Variants in SMOC1 observed in about 807,000 individuals in gnomAD.
The protein encoded by SMOC1 is SPARC-related modular calcium-binding protein 1.
In SMOC1, 22 loss-of-function variants were observed where a neutral mutation model predicts 56.3. That is an observed-to-expected ratio of 0.39 (90% CI 0.28 to 0.56). The LOEUF is 0.56. SMOC1 is among the 20% of genes least tolerant of loss of function. The probability of loss-of-function intolerance (pLI) is 0.61; values close to 1 mark genes in which losing one functional copy is unlikely to be tolerated. For missense variants in SMOC1, 509 were observed against 565.4 expected (o/e 0.90, Z 1.01); for synonymous variants, 193 against 215.0 (o/e 0.90, Z 0.89).
intron 3 of SMOC1, among the ~76,000 whole-genome samples, chr14:69,960,387 C>G (rs1370015082): frequency 6.6e-6 from 1 of 152,094 alleles, no homozygotes; most frequent in Non-Finnish European, 1.5e-5. Context: ...CCTTTGGATG[C>G]TGCAGAAAAA....
chr14:70,021,262 G>A (rs1257727155), intron 10 of SMOC1, among the ~76,000 whole-genome samples: 1 of 152,184 alleles, frequency 6.6e-6, no homozygotes, highest in Non-Finnish European at 1.5e-5. Flanking sequence ...GCAGGGACAG[G>A]CAGGTCACTC....
chr14:69,931,026 T>C (rs572686090), intron 1 of SMOC1, among the ~76,000 whole-genome samples: 3 of 152,346 alleles, frequency 2.0e-5, no homozygotes, highest in Admixed American at 2.0e-4. Context: ...CCCTTCACTC[T>C]GTTCTGCCCT....
chr14:69,963,046 A>T (rs535614732), intron 3 of SMOC1, among the ~76,000 whole-genome samples: 1 of 152,250 alleles, frequency 6.6e-6, no homozygotes, highest in African/African-American at 2.4e-5. Context: ...TTATTTCTGG[A>T]ATCTCAATTC....
At chr14:70,004,024 C>A (rs1885064451) in intron 7 of SMOC1, among the ~76,000 whole-genome samples, 1 of 152,096 alleles carries the variant, frequency 6.6e-6, no homozygotes, top group Non-Finnish European at 1.5e-5. Context: ...TTTAGGTCCT[C>A]CTCTCTCAGG....
chr14:69,926,697 C>T (rs910615141), intron 1 of SMOC1, among the ~76,000 whole-genome samples: 2 of 152,230 alleles, frequency 1.3e-5, no homozygotes, highest in Non-Finnish European at 1.5e-5. Context: ...CTGCTCCTCA[C>T]TGGGGCCCCA....
chr14:70,019,341 G>A (rs998907216), intron 10 of SMOC1, among the ~76,000 whole-genome samples: 1 of 152,140 alleles, frequency 6.6e-6, no homozygotes, highest in African/African-American at 2.4e-5. Flanking sequence ...GTATCATTTG[G>A]GTGTGTCTTT....
At chr14:69,912,947 T>C (rs1303945584) in intron 1 of SMOC1, among the ~76,000 whole-genome samples, 1 of 152,200 alleles carries the variant, frequency 6.6e-6, no homozygotes, top group African/African-American at 2.4e-5. Flanking sequence ...TTAAACACAA[T>C]TTGAATAAGC....
chr14:69,942,814 ACT>A (rs1882613765), intron 1 of SMOC1, among the ~76,000 whole-genome samples: 1 of 151,896 alleles, frequency 6.6e-6, no homozygotes, highest in African/African-American at 2.4e-5. Context: ...CTGCAGACAG[ACT>A]CTGTGTGGAT....
At chr14:69,941,584 G>C (rs941388012) in intron 1 of SMOC1, among the ~76,000 whole-genome samples, 1 of 152,146 alleles carries the variant, frequency 6.6e-6, no homozygotes, top group African/African-American at 2.4e-5. Flanking sequence ...CCTTGCCAAA[G>C]ATTTCCAAAG....
chr14:69,888,483 C>T (rs1191389357), intron 1 of SMOC1, among the ~76,000 whole-genome samples: 6 of 152,184 alleles, frequency 3.9e-5, no homozygotes, highest in Non-Finnish European at 8.8e-5. Context: ...GGAAAGGTAG[C>T]TCTCATCTCA....
chr14:69,881,468 C>G (rs995144060), intron 1 of SMOC1, among the ~76,000 whole-genome samples: 1 of 152,042 alleles, frequency 6.6e-6, no homozygotes, highest in African/African-American at 2.4e-5. Flanking sequence ...AGGAAGCAAC[C>G]TTTAGGGGAA....
intron 5 of SMOC1, among the ~76,000 whole-genome samples, chr14:69,982,846 C>T (rs1884228150): frequency 6.6e-6 from 1 of 152,208 alleles, no homozygotes. Flanking sequence ...GGCTTCTGCT[C>T]ACATGGCTTT....
intron 1 of SMOC1, among the ~76,000 whole-genome samples, chr14:69,906,345 G>A (rs1443339065): frequency 6.6e-6 from 1 of 152,204 alleles, no homozygotes; most frequent in Non-Finnish European, 1.5e-5. Context: ...AGAATCAGAG[G>A]CTGCCATGAT....
rs1886149782 is a variant in SMOC1, at chr14:70,031,465, T to C, written c.*1207T>C. 1 of 152,204 alleles carries C rather than the reference T, an allele frequency of 6.6e-6. No homozygotes were observed. The highest frequency in any genetic ancestry group is 1.5e-5 in the Non-Finnish European group (1 of 68,038). The allele number at this position is 152,204 out of a possible 1,614,324, so 9.4% of individuals were successfully genotyped here. Reference sequence around the variant, plus strand: ...CCTTGTTGGTAACACTAAAGTTGTTTTGTTGGTTTTTTAAAAACCCAATAC... The same window carrying C: ...CCTTGTTGGTAACACTAAAGTTGTTCTGTTGGTTTTTTAAAAACCCAATAC... On this transcript the variant is annotated 3_prime_UTR_variant, in exon 12 of 12. Coordinates refer to ENST00000361956, the MANE Select transcript of SMOC1 (RefSeq NM_001034852.3).
At chr14:69,992,033 C>T (rs1566702293) in intron 5 of SMOC1, among the ~76,000 whole-genome samples, 1 of 152,132 alleles carries the variant, frequency 6.6e-6, no homozygotes, top group African/African-American at 2.4e-5. Flanking sequence ...GATTGCCAAC[C>T]TTATGCTAAC....
chr14:70,013,398 G>A lies in SMOC1; in HGVS notation c.953G>A (p.Gly318Glu). Reference sequence around the variant, plus strand: ...TTTTATCTTTTAGGCTGTCCAGAAGGGAAGAAAATGGAGTTTATCACCAGC... The same window carrying A: ...TTTTATCTTTTAGGCTGTCCAGAAGAGAAGAAAATGGAGTTTATCACCAGC... Reference protein sequence around the residue: ...KDRELPGCPEGKKMEFITSLL... With the variant: ...KDRELPGCPEEKKMEFITSLL... Residue 318 changes from glycine to glutamate, a missense_variant, in exon 10 of 12, where the codon GGG (glycine) becomes GAG (glutamate). Physicochemically the swap from Gly to Glu is moderately conservative, Grantham distance 98. Transcript: ENST00000361956. The A allele has an allele frequency of 6.2e-7, 1 of 1,614,088 alleles. No homozygotes were observed. Among genetic ancestry groups the A allele is most frequent in the Non-Finnish European group, 8.5e-7 (1 of 1,179,938 alleles).
chr14:70,013,620 G>C, intron 10 of SMOC1, 129 bp downstream of exon 10: 1 of 804,562 alleles, frequency 1.2e-6, no homozygotes, highest in Middle Eastern at 3.5e-4. Flanking sequence ...TCTTTTTCCT[G>C]AAACCATGTA....
At chr14:69,950,251 G>T (rs1284105406) in intron 1 of SMOC1, among the ~76,000 whole-genome samples, 2 of 152,198 alleles carry the variant, frequency 1.3e-5, no homozygotes, top group African/African-American at 4.8e-5. Context: ...ATGAGGTCCA[G>T]TCCCAAGGAG....
At chr14:70,028,009 C>T (rs1048325687) in intron 11 of SMOC1, among the ~76,000 whole-genome samples, 7 of 151,914 alleles carry the variant, frequency 4.6e-5, no homozygotes, top group Admixed American at 1.3e-4. Context: ...TGGTGGGCTG[C>T]GAGGGGCTTG....
Sources: gnomAD v4.1 joint callset for allele counts (sites outside exome capture counted in the v4.1 genomes callset) on GRCh38, gnomAD v4.1.1 for gene constraint, MANE v1.5 for transcripts, NCBI Gene and HGNC (gene_info 2026-07-23, HGNC 2026-07-21) for gene names.